Variants in DGKB observed in about 807,000 individuals in gnomAD.
The protein encoded by DGKB is 90 kDa diacylglycerol kinase.
DGKB carries 67 observed loss-of-function variants against 114.3 expected under a neutral mutation model. The ratio of observed to expected loss-of-function variants is 0.59; its 90% CI spans 0.48 to 0.72. The LOEUF is 0.72. DGKB is among the 30% of genes least tolerant of loss of function. DGKB has a pLI of 0.00. For missense variants in DGKB, 907 were observed against 975.2 expected (o/e 0.93, Z 0.93); for synonymous variants, 398 against 323.1 (o/e 1.23, Z -2.49).
At chr7:14,550,276 T>C (rs1563481678) in intron 20 of DGKB, among the ~76,000 whole-genome samples, 1 of 151,442 alleles carries the variant, frequency 6.6e-6, no homozygotes, top group Non-Finnish European at 1.5e-5. Context: ...ACTAAGGAGT[T>C]TAGTGTGACT....
intron 23 of DGKB, chr7:14,192,195 A>G (rs1784408820): frequency 3.9e-6 from 1 of 253,968 alleles, no homozygotes; most frequent in Non-Finnish European, 7.9e-6. Context: ...AGATGTTATA[A>G]TATTTTACAT....
chr7:14,973,521 T>A (rs1388353020), intron 1 of DGKB, among the ~76,000 whole-genome samples: 1 of 134,870 alleles, frequency 7.4e-6, no homozygotes, highest in African/African-American at 2.8e-5. Flanking sequence ...TGTTTTTTGT[T>A]TTTTTGTTTT....
Position 14,478,301 on chromosome 7 carries a change from A to T in DGKB, c.1771-76T>A, listed in dbSNP as rs139928039. On this transcript the variant is annotated intron_variant, in intron 20 of 25. Coordinates refer to ENST00000402815, the MANE Select transcript of DGKB (RefSeq NM_001350709.2). ...TTTTATGAAAATGTAGACTAAATAA[A>T]AAAATAACATTTCAAAATGAACTTT... The T allele has an allele frequency of 9.6e-4, 823 of 860,792 alleles. 4 individuals carry two copies. In the African/African-American group the frequency reaches 0.013, roughly 14 times the overall value. The allele number at this position is 860,792 out of a possible 1,614,324, so 53.3% of individuals were successfully genotyped here.
chr7:14,623,268 C>T (rs528510510), intron 14 of DGKB, among the ~76,000 whole-genome samples: 136 of 152,250 alleles, frequency 8.9e-4, no homozygotes, highest in Non-Finnish European at 1.6e-3. Flanking sequence ...CCACACATTT[C>T]CTATCACTTA....
At chr7:14,456,210 T>A (rs1480757144) in intron 21 of DGKB, among the ~76,000 whole-genome samples, 1 of 152,014 alleles carries the variant, frequency 6.6e-6, no homozygotes, top group Non-Finnish European at 1.5e-5. Flanking sequence ...TAGACTTGGG[T>A]CATATCACCA....
chr7:14,597,418 T>C (rs1802771832), intron 17 of DGKB, among the ~76,000 whole-genome samples: 1 of 152,218 alleles, frequency 6.6e-6, no homozygotes, highest in Non-Finnish European at 1.5e-5. Flanking sequence ...CCAAGATATT[T>C]ATGATTTTAA....
chr7:14,901,324 G>T (rs1279071878), intron 1 of DGKB, among the ~76,000 whole-genome samples: 1 of 152,174 alleles, frequency 6.6e-6, no homozygotes, highest in Non-Finnish European at 1.5e-5. Flanking sequence ...TATAGGATAA[G>T]AGTAGTCCTT....
intron 17 of DGKB, among the ~76,000 whole-genome samples, chr7:14,589,965 G>A (rs888930700): frequency 1.4e-5 from 2 of 147,800 alleles, no homozygotes; most frequent in African/African-American, 5.0e-5. Context: ...TATAATTATT[G>A]AAGTTCTTTG....
chr7:14,621,540 CA>C (rs1807657847), intron 14 of DGKB, 46 bp from the exon 15 acceptor site: 8 of 1,158,568 alleles, frequency 6.9e-6, no homozygotes, highest in Non-Finnish European at 9.9e-6. Context: ...AGGAAAATAA[CA>C]TAATAAAATG....
chr7:14,574,770 A>T (rs1798876184), intron 19 of DGKB, among the ~76,000 whole-genome samples: 1 of 152,166 alleles, frequency 6.6e-6, no homozygotes, highest in East Asian at 1.9e-4. Context: ...AGAAACGTGG[A>T]TGACATTTTA....
intron 1 of DGKB, among the ~76,000 whole-genome samples, chr7:14,959,099 A>G (rs1786689261): frequency 6.6e-6 from 1 of 152,120 alleles, no homozygotes; most frequent in South Asian, 2.1e-4. Context: ...GGACAGTTGG[A>G]TAAAGCGTGA....
At chr7:14,626,588 T>C (rs1243711650) in intron 14 of DGKB, among the ~76,000 whole-genome samples, 2 of 152,192 alleles carry the variant, frequency 1.3e-5, no homozygotes, top group African/African-American at 4.8e-5. Flanking sequence ...AGACACCAAC[T>C]TACTAACAAA....
chr7:14,453,363 AG>A (rs1831811575), intron 21 of DGKB, among the ~76,000 whole-genome samples: 1 of 152,128 alleles, frequency 6.6e-6, no homozygotes, highest in Non-Finnish European at 1.5e-5. Context: ...TAAAGAAATA[AG>A]CAAAATCGAC....
intron 5 of DGKB, among the ~76,000 whole-genome samples, chr7:14,719,941 C>A (rs569187625): frequency 2.6e-5 from 4 of 152,156 alleles, no homozygotes; most frequent in African/African-American, 9.7e-5. Context: ...AGATTAGGGA[C>A]CGTCTTACAG....
chr7:14,686,842 TC>T (rs1197278774), intron 9 of DGKB, among the ~76,000 whole-genome samples: 1 of 152,150 alleles, frequency 6.6e-6, no homozygotes, highest in Non-Finnish European at 1.5e-5. Context: ...CACTGTCCTT[TC>T]TTTTTCTTTC....
intron 4 of DGKB, among the ~76,000 whole-genome samples, chr7:14,747,017 C>T (rs1220045201): frequency 2.0e-5 from 3 of 152,130 alleles, no homozygotes; most frequent in Non-Finnish European, 2.9e-5. Flanking sequence ...AAAATTTCCT[C>T]AATTCTTAAA....
At chr7:14,497,691 G>C (rs1356207815) in intron 20 of DGKB, among the ~76,000 whole-genome samples, 2 of 151,990 alleles carry the variant, frequency 1.3e-5, no homozygotes, top group East Asian at 3.9e-4. Flanking sequence ...AATTCACTAA[G>C]TTATTGAATG....
intron 2 of DGKB, among the ~76,000 whole-genome samples, chr7:14,809,766 G>A (rs555548495): frequency 6.6e-6 from 1 of 152,166 alleles, no homozygotes; most frequent in African/African-American, 2.4e-5. Flanking sequence ...CAAGGAATGG[G>A]GAACATTAAA....
chr7:14,319,720 A>C (rs989463880), intron 23 of DGKB, among the ~76,000 whole-genome samples: 3 of 152,220 alleles, frequency 2.0e-5, no homozygotes, highest in African/African-American at 7.2e-5. Context: ...GTGAAAGATA[A>C]ATCCTCTAAA....
Sources: allele counts gnomAD v4.1 joint callset (sites outside exome capture counted in the v4.1 genomes callset), GRCh38; gene constraint gnomAD v4.1.1; transcripts MANE v1.5; gene names NCBI Gene and HGNC (gene_info 2026-07-23, HGNC 2026-07-21).